PIWIL2: variants seen among roughly 807,000 people sequenced by gnomAD.
PIWIL2 encodes the protein piwi like RNA-mediated gene silencing 2, also known as piwi-like protein 2.
A neutral mutation model predicts 116.5 loss-of-function variants in PIWIL2; 81 were observed. The observed-to-expected ratio is 0.70, with a 90% CI of 0.58 to 0.84. The LOEUF (loss-of-function observed/expected upper bound fraction) is 0.84, where lower values mean the gene tolerates loss of function less well. Among genes scored for constraint, PIWIL2 ranks in the 40% least tolerant of loss-of-function variants. The probability of loss-of-function intolerance (pLI) is 0.00; values close to 1 mark genes in which losing one functional copy is unlikely to be tolerated. For synonymous variants in PIWIL2, 489 were observed against 429.5 expected (o/e 1.14, Z -1.71); for missense variants, 1,272 against 1,212.3 (o/e 1.05, Z -0.73).
chr8:22,334,093 C>T (rs1179124300), intron 20 of PIWIL2, among the ~76,000 whole-genome samples: 2 of 151,394 alleles, frequency 1.3e-5, no homozygotes, highest in Non-Finnish European at 2.9e-5. Context: ...TGTGCCTCAG[C>T]CTCCTGAGTA....
At chr8:22,312,481 G>A (rs777213324) in intron 16 of PIWIL2, among the ~76,000 whole-genome samples, 44 of 150,984 alleles carry the variant, frequency 2.9e-4, no homozygotes, top group South Asian at 6.3e-4. Flanking sequence ...GCCCAGGCTG[G>A]TCTCGAGCTT....
chr8:22,284,480 C>T (rs1233510804), intron 6 of PIWIL2, among the ~76,000 whole-genome samples: 1 of 152,134 alleles, frequency 6.6e-6, no homozygotes, highest in Non-Finnish European at 1.5e-5. Context: ...ATTTTAACTT[C>T]ATAGGGTGTA....
intron 20 of PIWIL2, among the ~76,000 whole-genome samples, chr8:22,319,233 T>A (rs1831539009): frequency 6.6e-6 from 1 of 152,234 alleles, no homozygotes; most frequent in South Asian, 2.1e-4. Flanking sequence ...CTCCACCTTG[T>A]CTCTTTATAG....
chr8:22,290,613 A>ATTTTTTTTTTTT, intron 10 of PIWIL2, among the ~76,000 whole-genome samples: 1 of 114,098 alleles, frequency 8.8e-6, no homozygotes, highest in Non-Finnish European at 1.7e-5. Flanking sequence ...CCAATTTTTA[A>ATTTTTTTTTTTT]TTTTTTTTTT....
At chr8:22,322,360 C>T (rs1193563560) in intron 20 of PIWIL2, among the ~76,000 whole-genome samples, 1 of 152,042 alleles carries the variant, frequency 6.6e-6, no homozygotes, top group East Asian at 1.9e-4. Flanking sequence ...AAGGGATCCT[C>T]CCACCTCAGC....
At chr8:22,294,898 T>TG (rs147632188) in intron 10 of PIWIL2, among the ~76,000 whole-genome samples, 1 of 25,238 alleles carries the variant, frequency 4.0e-5, no homozygotes, top group East Asian at 5.5e-3. Flanking sequence ...CCATCTTTAC[T>TG]GGAAAAAAAA....
chr8:22,323,440 C>T (rs1360545563), intron 20 of PIWIL2, among the ~76,000 whole-genome samples: 1 of 152,152 alleles, frequency 6.6e-6, no homozygotes, highest in East Asian at 1.9e-4. Flanking sequence ...GCTACCGCGC[C>T]CAGCCAGTCT....
At chr8:22,292,758 G>A (rs942653640) in intron 10 of PIWIL2, among the ~76,000 whole-genome samples, 7 of 152,200 alleles carry the variant, frequency 4.6e-5, no homozygotes, top group Non-Finnish European at 8.8e-5. Flanking sequence ...GAGATTGGTC[G>A]TTTGTTACTT....
chr8:22,290,922 A>G (rs1470914694), intron 10 of PIWIL2, among the ~76,000 whole-genome samples: 3 of 151,834 alleles, frequency 2.0e-5, no homozygotes, highest in East Asian at 3.8e-4. Context: ...GAGTTTGCAT[A>G]TAATAATATA....
chr8:22,332,472 C>G (rs142548598), intron 20 of PIWIL2, among the ~76,000 whole-genome samples: 1,671 of 152,006 alleles, frequency 0.011, 53 homozygotes, highest in African/African-American at 0.038. Flanking sequence ...AGACCCCAAA[C>G]CATAGATTCA....
At chr8:22,277,855 ATATGGCTG>A (rs1339734776) in intron 1 of PIWIL2, among the ~76,000 whole-genome samples, 1 of 152,192 alleles carries the variant, frequency 6.6e-6, no homozygotes, top group Non-Finnish European at 1.5e-5. Context: ...TAATTTTATG[ATATGGCTG>A]TGTTAACTAT....
chr8:22,340,959 C>T (rs928641299), intron 20 of PIWIL2, among the ~76,000 whole-genome samples: 1 of 152,096 alleles, frequency 6.6e-6, no homozygotes, highest in Non-Finnish European at 1.5e-5. Context: ...GCAGTTCTCC[C>T]GCCTTGCCCT....
At chr8:22,313,040 A>G (rs1831370119) in intron 16 of PIWIL2, among the ~76,000 whole-genome samples, 1 of 152,160 alleles carries the variant, frequency 6.6e-6, no homozygotes, top group Non-Finnish European at 1.5e-5. Context: ...TCTGCTTTCA[A>G]AAGAATAACC....
chr8:22,342,940 A>T (rs936649528), intron 20 of PIWIL2, among the ~76,000 whole-genome samples: 5 of 152,232 alleles, frequency 3.3e-5, no homozygotes, highest in African/African-American at 4.8e-5. Flanking sequence ...TTAGAAAATG[A>T]GCAAAATACC....
At chr8:22,306,302 C>T (rs1831176578) in intron 13 of PIWIL2, among the ~76,000 whole-genome samples, 1 of 152,226 alleles carries the variant, frequency 6.6e-6, no homozygotes, top group African/African-American at 2.4e-5. Context: ...CTGTCTTCAT[C>T]CTCACCAGTC....
chr8:22,316,674 G>A (rs930486784), intron 19 of PIWIL2, among the ~76,000 whole-genome samples: 10 of 151,872 alleles, frequency 6.6e-5, no homozygotes, highest in East Asian at 3.9e-4. Context: ...TAGAGACAGC[G>A]TTTCACCATG....
chr8:22,313,773 T>C (rs1831388994), intron 16 of PIWIL2, among the ~76,000 whole-genome samples: 1 of 152,250 alleles, frequency 6.6e-6, no homozygotes, highest in Non-Finnish European at 1.5e-5. Context: ...TAGATGATAC[T>C]GACATGCTGT....
intron 13 of PIWIL2, 35 bp downstream of exon 13, chr8:22,306,051 CT>C (rs747619251): frequency 1.4e-6 from 2 of 1,410,600 alleles, no homozygotes; most frequent in Non-Finnish European, 2.0e-6. Context: ...GAAATGCCCA[CT>C]TTGTGAGGCA....
At position 22,279,436 on chromosome 8, in the gene PIWIL2, C is replaced by G. The variant is rs185190950; in HGVS notation, c.50C>G (p.Ser17Cys). 6.2e-7 allele frequency: 1 copy of G among 1,614,204 alleles called. No homozygotes were observed. The highest frequency in any genetic ancestry group is 8.5e-7 in the Non-Finnish European group (1 of 1,180,022). ...AGGGGCCAGTCTCCTATCCACCCAT[C>G]CCAGTGCCAGGCTGTACGGATGCCA... ...SFRGQSPIHP[S>C]QCQAVRMPGC... is the part of the protein sequence containing the mutation. Residue 17 changes from serine (S) to cysteine (C), a missense_variant, in exon 2 of 23, where the codon TCC becomes TGC. By Grantham distance (112) the Ser-to-Cys change is moderately radical. Transcript: ENST00000356766.
Sources: gnomAD v4.1 joint callset for allele counts (sites outside exome capture counted in the v4.1 genomes callset) on GRCh38, gnomAD v4.1.1 for gene constraint, MANE v1.5 for transcripts, NCBI Gene and HGNC (gene_info 2026-07-23, HGNC 2026-07-21) for gene names.